The following SYNGR1 variants were observed in gnomAD, a reference collection of about 807,000 sequenced individuals.
SYNGR1 encodes the protein synaptogyrin-1.
A neutral mutation model predicts 26.1 loss-of-function variants in SYNGR1; 14 were observed. The observed-to-expected ratio is 0.54, with a 90% CI of 0.35 to 0.84. SYNGR1 has a LOEUF of 0.84. SYNGR1 is among the 40% of genes least tolerant of loss of function. The pLI, the probability that SYNGR1 is intolerant of heterozygous loss-of-function variation, is 0.01. For missense variants in SYNGR1, 319 were observed against 332.9 expected (o/e 0.96, Z 0.33); for synonymous variants, 141 against 150.1 (o/e 0.94, Z 0.44).
At chr22:39,371,430 T>C (rs1925012710) in intron 1 of SYNGR1, among the ~76,000 whole-genome samples, 1 of 149,060 alleles carries the variant, frequency 6.7e-6, no homozygotes. Context: ...GGACTGAGAT[T>C]GCACCATTGC....
chr22:39,381,621 C>G lies in SYNGR1; in HGVS notation c.484-75C>G, dbSNP rs1319642545. On this transcript the variant is annotated intron_variant, in intron 3 of 3. Transcript: ENST00000328933. ...TGTCCTGTGAACTAACCACCACTAA[C>G]CCAGTGCTCTTGTCTGTCTCTCCCC... 6.7e-6 allele frequency: 10 copies of G among 1,487,934 alleles called. No individual in the cohort carries two copies. In the Admixed American group the frequency reaches 6.8e-5, roughly 10 times the overall value. 92.2% of individuals were successfully genotyped at this position (1,487,934 alleles called of 1,614,324 possible).
At chr22:39,372,869 A>G (rs921787408) in intron 1 of SYNGR1, among the ~76,000 whole-genome samples, 1 of 152,082 alleles carries the variant, frequency 6.6e-6, no homozygotes, top group African/African-American at 2.4e-5. Flanking sequence ...GCAGTTGGCT[A>G]AAGACCCTCA....
chr22:39,381,902 G>A lies in SYNGR1; in HGVS notation c.690G>A (p.Ser230=), dbSNP rs143384592. ...ACACCGAGCCCCAGGGCTACCAGTC[G>A]CAGGGCTACTGAGCCACAGTGACCG... The part of the protein sequence containing the change: ...TFDTEPQGYQ[S]QGY Residue 230 remains serine, a synonymous_variant, in exon 4 of 4, where the codon TCG becomes TCA. Transcript: ENST00000328933. 239 of 1,611,018 alleles carry A rather than the reference G, an allele frequency of 1.5e-4. No homozygotes were observed. Among genetic ancestry groups the A allele is most frequent in the Non-Finnish European group, 2.0e-4 (234 of 1,179,192 alleles).
At chr22:39,356,409 C>T (rs922889507) in intron 1 of SYNGR1, among the ~76,000 whole-genome samples, 3 of 152,108 alleles carry the variant, frequency 2.0e-5, no homozygotes, top group Non-Finnish European at 2.9e-5. Flanking sequence ...TTTTGTTATC[C>T]CCTCCTTAGA....
chr22:39,365,845 T>C (rs1323117895), intron 1 of SYNGR1, among the ~76,000 whole-genome samples: 2 of 151,976 alleles, frequency 1.3e-5, no homozygotes, highest in Non-Finnish European at 2.9e-5. Context: ...CTTTTTTTTT[T>C]CTTTTTCACA....
intron 1 of SYNGR1, among the ~76,000 whole-genome samples, chr22:39,351,146 A>G (rs1569172294): frequency 6.6e-6 from 1 of 150,980 alleles, no homozygotes; most frequent in Non-Finnish European, 1.5e-5. Context: ...TATCCCAGAA[A>G]CTCCCACTCG....
chr22:39,378,193 G>A, intron 3 of SYNGR1: 1 of 1,105,382 alleles, frequency 9.0e-7, no homozygotes, highest in East Asian at 7.2e-5. Context: ...AGGGCTCCTG[G>A]TCTGGCTCTG....
chr22:39,358,506 G>A (rs1399009272), intron 1 of SYNGR1, among the ~76,000 whole-genome samples: 3 of 152,172 alleles, frequency 2.0e-5, no homozygotes, highest in Non-Finnish European at 2.9e-5. Flanking sequence ...GCGAAGGTCT[G>A]CAGCTTCATT....
rs541705212 is a variant in SYNGR1, at chr22:39,350,451, G to A, written c.99+342G>A. Among the ~76,000 whole-genome samples, 2 of 152,206 alleles carry A rather than the reference G, an allele frequency of 1.3e-5. No homozygotes were observed. Among genetic ancestry groups the A allele is most frequent in the Non-Finnish European group, 2.9e-5 (2 of 68,038 alleles). The stretch of plus-strand genomic sequence containing the variant: ...GGCTCGGATTGTGCGCGGCCGCCAG[G>A]GCGGACTGGGGACCGTGGGGACGGA... On this transcript the variant is annotated intron_variant, in intron 1 of 3. Transcript: ENST00000328933. The surrounding 1 kb of genome is among the most constrained non-coding windows in gnomAD (Gnocchi z 4.3).
In SYNGR1 at chr22:39,366,319, G is replaced by T. The variant is rs536817614; in HGVS notation, c.100-7997G>T. ...ACTCTTCCTCTCACTCCCTACGTCGGCTGTGTCTGCAGATTCTGGTGGCTC... is the reference window on the plus strand; with the variant it reads ...ACTCTTCCTCTCACTCCCTACGTCGTCTGTGTCTGCAGATTCTGGTGGCTC... On this transcript the variant is annotated intron_variant, in intron 1 of 3. Transcript: ENST00000328933. Among the ~76,000 whole-genome samples, 11 of 151,856 alleles carry T rather than the reference G, an allele frequency of 7.2e-5. No individual in the cohort carries two copies. In the East Asian group the frequency reaches 1.2e-3, roughly 16 times the overall value.
At chr22:39,381,629 T>A in intron 3 of SYNGR1, 67 bp from the exon 4 acceptor site, 1 of 1,545,296 alleles carries the variant, frequency 6.5e-7, no homozygotes, top group Non-Finnish European at 8.9e-7. Context: ...AACCCAGTGC[T>A]CTTGTCTGTC....
rs541680181 is a variant in SYNGR1, at chr22:39,382,542, G to C, written c.*628G>C. 2 of 156,418 alleles carry C rather than the reference G, an allele frequency of 1.3e-5. No individual in the cohort carries two copies. The highest frequency in any genetic ancestry group is 4.8e-5 in the African/African-American group (2 of 41,600). The allele number at this position is 156,418 out of a possible 1,614,324, so 9.7% of individuals were successfully genotyped here. A position where few individuals can be genotyped will look rare whatever the true frequency, so the allele number is the denominator to read the frequency against. On this transcript the variant is annotated 3_prime_UTR_variant, in exon 4 of 4. Transcript: ENST00000328933. ...GTGATAGAGGTGGGGCCAAGCCCAG[G>C]CTGCCCGACTGCAGACCACGTGCTC...
In SYNGR1 at chr22:39,381,889, A is replaced by G. The variant is rs1427348713; in HGVS notation, c.677A>G (p.Gln226Arg). The G allele has an allele frequency of 3.1e-6, 5 of 1,612,024 alleles. No individual in the cohort carries two copies. In the South Asian group the frequency reaches 5.5e-5, roughly 18 times the overall value. ...QPANTFDTEPQGYQSQGY is the reference protein window; with the variant it reads ...QPANTFDTEPRGYQSQGY ...GCCAACACCTTCGACACCGAGCCCCAGGGCTACCAGTCGCAGGGCTACTGA... is the reference window on the plus strand; with the variant it reads ...GCCAACACCTTCGACACCGAGCCCCGGGGCTACCAGTCGCAGGGCTACTGA... Residue 226 changes from glutamine (Q) to arginine (R), a missense_variant, in exon 4 of 4, where the codon CAG (glutamine) becomes CGG (arginine). Coordinates refer to ENST00000328933, the MANE Select transcript of SYNGR1 (RefSeq NM_004711.5).
intron 1 of SYNGR1, among the ~76,000 whole-genome samples, chr22:39,358,472 C>G (rs143410323): frequency 1.3e-5 from 2 of 152,312 alleles, no homozygotes; most frequent in East Asian, 3.9e-4. Flanking sequence ...GTCCACACTA[C>G]TTTTATGAGC....
At chr22:39,370,838 C>T (rs1255064338) in intron 1 of SYNGR1, among the ~76,000 whole-genome samples, 3 of 151,986 alleles carry the variant, frequency 2.0e-5, no homozygotes, top group African/African-American at 4.8e-5. Flanking sequence ...CCAGGCTAGT[C>T]TCGAACTCCT....
At chr22:39,352,638 T>C (rs1393906831) in intron 1 of SYNGR1, among the ~76,000 whole-genome samples, 3 of 152,122 alleles carry the variant, frequency 2.0e-5, no homozygotes, top group African/African-American at 7.2e-5. Flanking sequence ...TGGCGCCTGC[T>C]CTTGGCCCTC....
rs1421885488 is a variant in SYNGR1, at chr22:39,382,488, T to G, written c.*574T>G. On this transcript the variant is annotated 3_prime_UTR_variant, in exon 4 of 4. Coordinates refer to ENST00000328933, the MANE Select transcript of SYNGR1 (RefSeq NM_004711.5). ...AAACTGAGGTCTAGAGAGGTCAAGATTACTTGCCCAGAATCACTCAGGCAG... is the reference window on the plus strand; with the variant it reads ...AAACTGAGGTCTAGAGAGGTCAAGAGTACTTGCCCAGAATCACTCAGGCAG... 6.3e-6 allele frequency: 1 copy of G among 158,542 alleles called. No individual in the cohort carries two copies. Among genetic ancestry groups the G allele is most frequent in the Admixed American group, 6.0e-5 (1 of 16,788 alleles). The allele number at this position is 158,542 out of a possible 1,614,324, so 9.8% of individuals were successfully genotyped here.
At chr22:39,360,579 C>A (rs1446677048) in intron 1 of SYNGR1, among the ~76,000 whole-genome samples, 1 of 152,096 alleles carries the variant, frequency 6.6e-6, no homozygotes, top group Non-Finnish European at 1.5e-5. Context: ...CGCCCTCACC[C>A]CGCTCGCCGC....
At chr22:39,357,927 C>T (rs1180938461) in intron 1 of SYNGR1, among the ~76,000 whole-genome samples, 1 of 152,242 alleles carries the variant, frequency 6.6e-6, no homozygotes. Flanking sequence ...CCGATGAGCA[C>T]CACCCCCTGC....
Sources: gnomAD v4.1 joint callset for allele counts (sites outside exome capture counted in the v4.1 genomes callset) on GRCh38, gnomAD v4.1.1 for gene constraint, Gnocchi (gnomAD v3.1) non-coding constraint, MANE v1.5 for transcripts, NCBI Gene and HGNC (gene_info 2026-07-23, HGNC 2026-07-21) for gene names.